Variants in FBXL17 observed in about 807,000 individuals in gnomAD.
FBXL17 encodes the protein F-box/LRR-repeat protein 17.
Under a neutral mutation model 66.2 loss-of-function variants are expected in FBXL17, and 22 were observed. The ratio of observed to expected loss-of-function variants is 0.33; its 90% confidence interval spans 0.24 to 0.47. The LOEUF (loss-of-function observed/expected upper bound fraction) is 0.47, where lower values mean the gene tolerates loss of function less well. Among genes scored for constraint, FBXL17 ranks in the 20% least tolerant of loss-of-function variants. The probability of loss-of-function intolerance (pLI) is 1.00; values close to 1 mark genes in which losing one functional copy is unlikely to be tolerated. For synonymous variants in FBXL17, 474 were observed against 400.5 expected (o/e 1.18, Z -2.19); for missense variants, 878 against 948.2 (o/e 0.93, Z 0.97).
intron 6 of FBXL17, among the ~76,000 whole-genome samples, chr5:108,144,953 G>C (rs1323018572): frequency 2.0e-5 from 3 of 152,224 alleles, no homozygotes; most frequent in Admixed American, 2.0e-4. Flanking sequence ...AAATGCAAAT[G>C]TGATAGAGAA....
chr5:108,233,467 T>C (rs1002921076), intron 4 of FBXL17, among the ~76,000 whole-genome samples: 1 of 152,024 alleles, frequency 6.6e-6, no homozygotes, highest in Non-Finnish European at 1.5e-5. Flanking sequence ...GCAGAGAAAA[T>C]GTGACTCAGG....
At chr5:108,018,340 G>T (rs1754461325) in intron 7 of FBXL17, among the ~76,000 whole-genome samples, 1 of 152,142 alleles carries the variant, frequency 6.6e-6, no homozygotes, top group Non-Finnish European at 1.5e-5. Context: ...TGTAATAATA[G>T]GGTAGGGGGG....
At chr5:108,116,177 A>G (rs1750239582) in intron 6 of FBXL17, among the ~76,000 whole-genome samples, 2 of 152,200 alleles carry the variant, frequency 1.3e-5, no homozygotes, top group African/African-American at 2.4e-5. Context: ...TAAGGAGCAT[A>G]GTAAGGGTTT....
intron 4 of FBXL17, chr5:108,302,046 CCAT>C (rs1306102505): frequency 1.3e-5 from 13 of 984,520 alleles, no homozygotes; most frequent in Non-Finnish European, 1.6e-5. Context: ...GTGCGCCAAC[CCAT>C]CATATGTCTT....
chr5:108,048,608 C>G (rs146842666), intron 6 of FBXL17, among the ~76,000 whole-genome samples: 1 of 152,228 alleles, frequency 6.6e-6, no homozygotes, highest in Admixed American at 6.5e-5. Context: ...TAAATAGAAA[C>G]ATAAATGACC....
At chr5:108,210,048 A>T (rs2150059413) in intron 5 of FBXL17, among the ~76,000 whole-genome samples, 1 of 152,212 alleles carries the variant, frequency 6.6e-6, no homozygotes, top group East Asian at 1.9e-4. Context: ...GGGAGGGTGT[A>T]TGTGTCCAGG....
intron 7 of FBXL17, among the ~76,000 whole-genome samples, chr5:108,009,551 T>C (rs957654379): frequency 2.0e-5 from 3 of 151,368 alleles, no homozygotes; most frequent in South Asian, 2.1e-4. Context: ...ACACAATTGT[T>C]TGAAAAGTTG....
intron 6 of FBXL17, among the ~76,000 whole-genome samples, chr5:108,178,419 G>A (rs1323422651): frequency 1.3e-5 from 2 of 151,782 alleles, no homozygotes; most frequent in African/African-American, 4.8e-5. Flanking sequence ...TTCTAGGGAT[G>A]GTCTTACACA....
intron 7 of FBXL17, among the ~76,000 whole-genome samples, chr5:107,971,469 C>T (rs751275735): frequency 1.3e-5 from 2 of 152,262 alleles, no homozygotes; most frequent in South Asian, 2.1e-4. Flanking sequence ...CCACTTAATA[C>T]GTGTAAAACT....
intron 4 of FBXL17, among the ~76,000 whole-genome samples, chr5:108,336,231 G>A (rs2966833): frequency 0.79 from 120,916 of 152,158 alleles, 48,709 homozygotes; most frequent in East Asian, 0.93. Flanking sequence ...TCTGCGTGGT[G>A]TATTACTCTC....
chr5:108,170,235 A>G (rs566152647), intron 6 of FBXL17, among the ~76,000 whole-genome samples: 1 of 152,320 alleles, frequency 6.6e-6, no homozygotes, highest in South Asian at 2.1e-4. Flanking sequence ...AAATGAAAAT[A>G]GCTCTCAAAA....
At chr5:108,113,029 ACTC>A (rs1321698987) in intron 6 of FBXL17, among the ~76,000 whole-genome samples, 1 of 152,124 alleles carries the variant, frequency 6.6e-6, no homozygotes, top group East Asian at 1.9e-4. Flanking sequence ...AGAAAGTCAT[ACTC>A]CTAAAATTGC....
Position 107,861,804 on chromosome 5 carries a change from G to A in FBXL17, c.2022C>T (p.Ser674=), listed in dbSNP as rs1450593867. The change falls in exon 9 of 9, where the codon AGC becomes AGT. Residue 674 remains serine (S), a synonymous_variant. Coordinates refer to ENST00000542267, the MANE Select transcript of FBXL17 (RefSeq NM_001163315.3). ...TCCTCTTGCAGTCCTGCAGGACGGT[G>A]CTGAAGGTGATGTGGGGGTACTGCT... is the stretch of plus-strand genomic sequence containing the variant. ...LVQQYPHITF[S]TVLQDCKRTL... is the part of the protein sequence containing the mutation. 6 of 1,579,690 alleles carry A rather than the reference G, an allele frequency of 3.8e-6. No individual in the cohort carries two copies. Among genetic ancestry groups the A allele is most frequent in the Non-Finnish European group, 5.2e-6 (6 of 1,160,134 alleles).
At chr5:108,055,618 A>G (rs1747676369) in intron 6 of FBXL17, among the ~76,000 whole-genome samples, 1 of 137,794 alleles carries the variant, frequency 7.3e-6, no homozygotes, top group South Asian at 2.1e-4. Context: ...CAAAAAAAAA[A>G]AAAAAAAAAA....
chr5:108,331,139 G>C (rs1279968267), intron 4 of FBXL17, among the ~76,000 whole-genome samples: 1 of 152,132 alleles, frequency 6.6e-6, no homozygotes, highest in Non-Finnish European at 1.5e-5. Context: ...TGTTGTCAAT[G>C]TTAAAAAGTG....
intron 4 of FBXL17, among the ~76,000 whole-genome samples, chr5:108,318,469 G>A (rs144376671): frequency 1.2e-3 from 185 of 151,732 alleles, no homozygotes; most frequent in African/African-American, 4.4e-3. Context: ...GGAAAAAAAA[G>A]TTCCTCAACA....
Position 108,348,433 on chromosome 5 carries a change from T to C in FBXL17, c.1472A>G (p.Lys491Arg), listed in dbSNP as rs1385909341. 1 of 1,613,502 alleles carries C rather than the reference T, an allele frequency of 6.2e-7. No individual in the cohort carries two copies. The highest frequency in any genetic ancestry group is 8.5e-7 in the Non-Finnish European group (1 of 1,179,670). Reference protein sequence around the residue: ...GMIVIAKGCLKLQRIYMQENK... With the variant: ...GMIVIAKGCLRLQRIYMQENK... ...TTCCTGCATGTATATCCTTTGTAATTTCAGACAGCCCTTAGCTATGACGAT... is the reference window on the plus strand; with the variant it reads ...TTCCTGCATGTATATCCTTTGTAATCTCAGACAGCCCTTAGCTATGACGAT... The change falls in exon 4 of 9, where the codon AAA becomes AGA. Residue 491 changes from lysine (K) to arginine (R), a missense_variant. Lys to Arg is a conservative substitution (Grantham distance 26). Around this residue, in one of 4 missense-constraint regions of FBXL17, gnomAD observed 236 missense variants for 389.1 expected, o/e 0.61. Transcript: ENST00000542267.
intron 7 of FBXL17, among the ~76,000 whole-genome samples, chr5:107,983,957 C>T (rs543565351): frequency 6.6e-6 from 1 of 151,950 alleles, no homozygotes; most frequent in African/African-American, 2.4e-5. Context: ...AAATAATTGA[C>T]GCCCAGAAAA....
intron 6 of FBXL17, among the ~76,000 whole-genome samples, chr5:108,095,510 G>T (rs909720143): frequency 3.3e-5 from 5 of 152,064 alleles, no homozygotes; most frequent in African/African-American, 1.2e-4. Flanking sequence ...ACTGTATAGG[G>T]TAGATCAGTT....
Sources: allele counts gnomAD v4.1 joint callset (sites outside exome capture counted in the v4.1 genomes callset), GRCh38; gene constraint gnomAD v4.1.1; regional missense constraint gnomAD v4.1.1; transcripts MANE v1.5; gene names NCBI Gene and HGNC (gene_info 2026-07-23, HGNC 2026-07-21).